Variants in ANKRD42 observed in about 807,000 individuals in gnomAD.
ANKRD42 encodes the protein ankyrin repeat domain 42, also known as ankyrin repeat domain-containing protein 42.
Under a neutral mutation model 51.5 loss-of-function variants are expected in ANKRD42, and 43 were observed. That is an observed-to-expected ratio of 0.83 (90% confidence interval 0.65 to 1.08). The LOEUF is 1.08. Among genes scored for constraint, ANKRD42 ranks in the 50% least tolerant of loss-of-function variants. The pLI, the probability that ANKRD42 is intolerant of heterozygous loss-of-function variation, is 0.00. For missense variants in ANKRD42, 608 were observed against 629.3 expected, an observed-to-expected ratio of 0.97 and a Z score of 0.36; for synonymous variants, 203 against 213.0, an observed-to-expected ratio of 0.95 and a Z score of 0.41.
At chr11:83,201,495 T>C (rs1214654368) in intron 2 of ANKRD42, among the ~76,000 whole-genome samples, 1 of 152,232 alleles carries the variant, frequency 6.6e-6, no homozygotes, top group Non-Finnish European at 1.5e-5. Flanking sequence ...TTTATAATCC[T>C]TTGGGCATAT....
intron 5 of ANKRD42, among the ~76,000 whole-genome samples, chr11:83,220,143 C>T (rs1220546704): frequency 3.9e-5 from 6 of 152,160 alleles, no homozygotes; most frequent in Admixed American, 2.0e-4. Flanking sequence ...GAGACTAAGA[C>T]GTCCGCTGAG....
At chr11:83,196,172 G>A (rs1228215173) in intron 1 of ANKRD42, among the ~76,000 whole-genome samples, 1 of 151,992 alleles carries the variant, frequency 6.6e-6, no homozygotes, top group African/African-American at 2.4e-5. Flanking sequence ...TTGCCTTTTT[G>A]CTCCCCATTC....
In ANKRD42 at chr11:83,224,990, A is replaced by G; in HGVS notation, c.722A>G (p.Lys241Arg). ...NVLDLAQRFF[K>R]QNILQFIQGA... Reference sequence around the variant, plus strand: ...CTGGATTTGGCCCAGAGGTTCTTCAAGCAGAACATTTTACAGTTTATCCAG... The same window carrying G: ...CTGGATTTGGCCCAGAGGTTCTTCAGGCAGAACATTTTACAGTTTATCCAG... Residue 241 changes from lysine (K) to arginine (R), a missense_variant, in exon 6 of 11, where the codon AAG becomes AGG. By Grantham distance (26) the Lys-to-Arg change is conservative. Coordinates refer to ENST00000533342, the MANE Select transcript of ANKRD42 (RefSeq NM_001300975.2). 6.2e-7 allele frequency: 1 copy of G among 1,613,666 alleles called. No homozygotes were observed. The highest frequency in any genetic ancestry group is 8.5e-7 in the Non-Finnish European group (1 of 1,179,674).
chr11:83,211,529 G>T lies in ANKRD42; in HGVS notation c.586+99G>T. The T allele has an allele frequency of 6.0e-6, 8 of 1,333,212 alleles. No individual in the cohort carries two copies. The South Asian group carries it at 8.2e-5, about 14-fold the overall frequency. The allele number at this position is 1,333,212 out of a possible 1,614,324, so 82.6% of individuals were successfully genotyped here. The stretch of plus-strand genomic sequence containing the variant: ...TTTAAACTGTTGGTTGAGCGTGGTG[G>T]CTTACATCTGTAATCTCAGCACTTT... On this transcript the variant is annotated intron_variant, in intron 5 of 10. Coordinates refer to ENST00000533342, the MANE Select transcript of ANKRD42 (RefSeq NM_001300975.2).
chr11:83,239,780 G>A (rs1456614223), intron 8 of ANKRD42, among the ~76,000 whole-genome samples: 2 of 152,128 alleles, frequency 1.3e-5, no homozygotes, highest in Non-Finnish European at 1.5e-5. Flanking sequence ...AATACTATGG[G>A]TATATCTGAA....
At chr11:83,223,927 A>ACAACTC in intron 5 of ANKRD42, among the ~76,000 whole-genome samples, 1 of 149,874 alleles carries the variant, frequency 6.7e-6, no homozygotes, top group South Asian at 2.1e-4. Flanking sequence ...AAAGCTTGTA[A>ACAACTC]CAACTCCAGA....
intron 7 of ANKRD42, among the ~76,000 whole-genome samples, chr11:83,234,293 C>G (rs1452141120): frequency 6.6e-6 from 1 of 152,148 alleles, no homozygotes; most frequent in South Asian, 2.1e-4. Flanking sequence ...TTTTATCATA[C>G]TGCTTTTTCC....
downstream of ANKRD42, among the ~76,000 whole-genome samples, chr11:83,262,834 G>C (rs909111114): frequency 9.2e-5 from 14 of 152,164 alleles, no homozygotes; most frequent in African/African-American, 3.4e-4. Context: ...AAGAAATATA[G>C]AGAAGTAATA....
rs1249466185 is a variant in ANKRD42, at chr11:83,194,321, G to C, written c.-350G>C. 1 of 524,202 alleles carries C rather than the reference G, an allele frequency of 1.9e-6. No homozygotes were observed. The highest frequency in any genetic ancestry group is 5.0e-5 in the East Asian group (1 of 19,984). 32.5% of individuals were successfully genotyped at this position (524,202 alleles called of 1,614,324 possible). On this transcript the variant is annotated 5_prime_UTR_variant, in exon 1 of 11. Coordinates refer to ENST00000533342, the MANE Select transcript of ANKRD42 (RefSeq NM_001300975.2). ...AGAGTCAGTGACGATCGCAGTCGCC[G>C]CTTCAGTGGCTCCTGGGAGGGAGGG...
Position 83,205,891 on chromosome 11 carries a change from G to T in ANKRD42, c.223-167G>T, listed in dbSNP as rs541270546. Among the ~76,000 whole-genome samples the T allele has an allele frequency of 4.6e-5, 7 of 152,340 alleles. No individual in the cohort carries two copies. In the South Asian group the frequency reaches 1.4e-3, roughly 32 times the overall value. Reference sequence around the variant, plus strand: ...TAGTCTCTATTGTTTACCCAGCAGTGAGGCCAAATGTTGGTTGCCATGTCA... The same window carrying T: ...TAGTCTCTATTGTTTACCCAGCAGTTAGGCCAAATGTTGGTTGCCATGTCA... On this transcript the variant is annotated intron_variant, in intron 2 of 10. Transcript: ENST00000533342.
Position 83,193,750 on chromosome 11 carries a change from C to A in ANKRD42, c.-921C>A, listed in dbSNP as rs575822955. 2.5e-5 allele frequency: 11 copies of A among 431,478 alleles called. No individual in the cohort carries two copies. The highest frequency in any genetic ancestry group is 1.3e-4 in the South Asian group (8 of 62,746). 26.7% of individuals were successfully genotyped at this position (431,478 alleles called of 1,614,324 possible). On this transcript the variant is annotated 5_prime_UTR_variant, in exon 1 of 11. Transcript: ENST00000533342. ...GCGACGGCCCTGCTGCCTCTCCAGC[C>A]AAGTGGCTGGAGTCGGGAGGCTGGA...
At chr11:83,212,377 G>A (rs910916563) in intron 5 of ANKRD42, among the ~76,000 whole-genome samples, 2 of 152,070 alleles carry the variant, frequency 1.3e-5, no homozygotes, top group Admixed American at 6.6e-5. Context: ...CACCATGCCT[G>A]GCCCAACTTT....
At chr11:83,231,356 CT>C (rs1235563264) in intron 7 of ANKRD42, among the ~76,000 whole-genome samples, 1 of 152,134 alleles carries the variant, frequency 6.6e-6, no homozygotes, top group Non-Finnish European at 1.5e-5. Flanking sequence ...ATTTGTATGT[CT>C]TCTTTTGAGA....
At chr11:83,214,943 C>T (rs1344855924) in intron 5 of ANKRD42, 2 of 152,164 alleles carry the variant, frequency 1.3e-5, no homozygotes, top group Admixed American at 6.5e-5. Context: ...ATGAGACCAG[C>T]GTATTTTAGC....
intron 3 of ANKRD42, 78 bp downstream of exon 3, chr11:83,206,243 T>C: frequency 8.4e-7 from 1 of 1,186,620 alleles, no homozygotes; most frequent in East Asian, 2.4e-5. Flanking sequence ...TTCTAATTAT[T>C]TGACTCAATA....
chr11:83,257,606 C>G (rs1024657251), downstream of ANKRD42, among the ~76,000 whole-genome samples: 1 of 152,136 alleles, frequency 6.6e-6, no homozygotes, highest in South Asian at 2.1e-4. Flanking sequence ...GGGATTCCAA[C>G]CTTGGCAGCA....
chr11:83,245,685 G>A (rs1215175423), intron 10 of ANKRD42, 61 bp downstream of exon 10: 6 of 1,462,644 alleles, frequency 4.1e-6, no homozygotes, highest in Admixed American at 2.3e-5. Context: ...CCATGTGAGG[G>A]TTTGTTGATC....
chr11:83,201,094 C>T (rs980498023), intron 2 of ANKRD42, among the ~76,000 whole-genome samples: 1 of 152,100 alleles, frequency 6.6e-6, no homozygotes, highest in Non-Finnish European at 1.5e-5. Flanking sequence ...AACCAGTCTT[C>T]TAGGTTTTAA....
At chr11:83,253,105 A>G (rs1430071266), downstream of ANKRD42, among the ~76,000 whole-genome samples, 1 of 152,226 alleles carries the variant, frequency 6.6e-6, no homozygotes, top group Admixed American at 6.5e-5. Context: ...GGTCTGGAAC[A>G]AGGTTGAACT....
Sources: gnomAD v4.1 joint callset for allele counts (sites outside exome capture counted in the v4.1 genomes callset) on GRCh38, gnomAD v4.1.1 for gene constraint, MANE v1.5 for transcripts, NCBI Gene and HGNC (gene_info 2026-07-23, HGNC 2026-07-21) for gene names.